Variants in ASIC2 observed in about 807,000 individuals in gnomAD.
ASIC2 encodes the protein acid sensing ion channel subunit 2.
A neutral mutation model predicts 57.3 loss-of-function variants in ASIC2; 25 were observed. That is an observed-to-expected ratio of 0.44 (90% confidence interval 0.32 to 0.61). The LOEUF is 0.61. ASIC2 is among the 20% of genes least tolerant of loss of function. The pLI, the probability that ASIC2 is intolerant of heterozygous loss-of-function variation, is 0.06. For synonymous variants in ASIC2, 319 were observed against 307.5 expected (o/e 1.04, Z -0.39); for missense variants, 641 against 738.1 (o/e 0.87, Z 1.52).
chr17:33,310,511 G>A (rs1250626044), intron 1 of ASIC2, among the ~76,000 whole-genome samples: 2 of 152,152 alleles, frequency 1.3e-5, no homozygotes, highest in African/African-American at 2.4e-5. Flanking sequence ...GTGCATTGAC[G>A]AGGACAAAGG....
intron 1 of ASIC2, among the ~76,000 whole-genome samples, chr17:33,188,260 A>C (rs540975152): frequency 2.5e-4 from 38 of 152,168 alleles, no homozygotes; most frequent in Non-Finnish European, 3.7e-4. Context: ...AGTGATAAAA[A>C]CTATCCAGAA....
intron 1 of ASIC2, among the ~76,000 whole-genome samples, chr17:33,511,835 C>G (rs1035290678): frequency 6.6e-6 from 1 of 152,180 alleles, no homozygotes; most frequent in Admixed American, 6.5e-5. Flanking sequence ...TGTGGGTGCT[C>G]TGTATATAGT....
chr17:33,263,754 G>A, intron 1 of ASIC2, among the ~76,000 whole-genome samples: 1 of 152,178 alleles, frequency 6.6e-6, no homozygotes. Flanking sequence ...TGAAAGGGGG[G>A]CCCACCCGCT....
chr17:33,414,961 C>A (rs148341213), intron 1 of ASIC2, among the ~76,000 whole-genome samples: 1 of 152,230 alleles, frequency 6.6e-6, no homozygotes, highest in Admixed American at 6.5e-5. Context: ...AGTTCAGATA[C>A]CCTCCTCACA....
intron 1 of ASIC2, among the ~76,000 whole-genome samples, chr17:33,909,531 A>G (rs1213664925): frequency 6.6e-6 from 1 of 152,110 alleles, no homozygotes; most frequent in Non-Finnish European, 1.5e-5. Context: ...TGGAGCCCAT[A>G]GGCTGGGGGG....
chr17:33,824,778 C>CT (rs1912855155), intron 1 of ASIC2, among the ~76,000 whole-genome samples: 1 of 50,294 alleles, frequency 2.0e-5, no homozygotes, highest in Non-Finnish European at 4.7e-5. Flanking sequence ...GTCTTGCAAG[C>CT]CCCATGCAAG....
chr17:33,248,019 A>G lies in ASIC2; in HGVS notation c.708+43389T>C, dbSNP rs753754977. Among the ~76,000 whole-genome samples, 128 of 152,346 alleles carry G rather than the reference A, an allele frequency of 8.4e-4. 1 individual carries two copies. The highest frequency in any genetic ancestry group is 3.4e-3 in the Middle Eastern group (1 of 294). ...GCATGTTCGAAGGTGATAGAAGACT[A>G]TGAAATAGCAGAGGTAGATGAGTAG... On this transcript the variant is annotated intron_variant, in intron 1 of 9. Coordinates refer to ENST00000225823, the MANE Select transcript of ASIC2 (RefSeq NM_183377.2).
intron 1 of ASIC2, among the ~76,000 whole-genome samples, chr17:34,017,325 G>A (rs2142026106): frequency 6.6e-6 from 1 of 152,304 alleles, no homozygotes; most frequent in East Asian, 1.9e-4. Context: ...TGGTGTATGT[G>A]TTCTGACTGC....
chr17:33,106,996 T>C (rs1375710755), intron 2 of ASIC2, among the ~76,000 whole-genome samples: 4 of 152,244 alleles, frequency 2.6e-5, no homozygotes, highest in Non-Finnish European at 5.9e-5. Flanking sequence ...CTGCCCCTCC[T>C]GCTGGCTGGT....
intron 1 of ASIC2, chr17:34,001,096 T>C (rs922560485): frequency 1.3e-5 from 2 of 152,240 alleles, no homozygotes. Flanking sequence ...TAGTGTTGGT[T>C]ACTGGTGCTT....
intron 1 of ASIC2, among the ~76,000 whole-genome samples, chr17:34,084,692 T>C (rs1269825549): frequency 2.6e-5 from 4 of 152,192 alleles, no homozygotes; most frequent in African/African-American, 9.7e-5. Flanking sequence ...TGTTCTTCCA[T>C]TTGTTTGTAT....
At chr17:33,447,912 C>CAAAAAAAAAAAA (rs34092157) in intron 1 of ASIC2, among the ~76,000 whole-genome samples, 1 of 73,080 alleles carries the variant, frequency 1.4e-5, no homozygotes. Flanking sequence ...GACTCAGTCT[C>CAAAAAAAAAAAA]AAAAAAAAAA....
intron 1 of ASIC2, among the ~76,000 whole-genome samples, chr17:34,068,214 C>A (rs1404597776): frequency 2.0e-5 from 3 of 152,010 alleles, no homozygotes; most frequent in Non-Finnish European, 2.9e-5. Flanking sequence ...TATGGGCAGG[C>A]ACCATTAATG....
chr17:33,705,855 G>A (rs1224160982), intron 1 of ASIC2, among the ~76,000 whole-genome samples: 1 of 152,128 alleles, frequency 6.6e-6, no homozygotes, highest in Non-Finnish European at 1.5e-5. Flanking sequence ...CGATGTTCAA[G>A]GCCTAAAATG....
chr17:33,409,691 G>C, intron 1 of ASIC2, among the ~76,000 whole-genome samples: 1 of 152,176 alleles, frequency 6.6e-6, no homozygotes, highest in African/African-American at 2.4e-5. Context: ...AGAGTCTTGC[G>C]GAGGAGGAGG....
At chr17:34,099,102 A>G (rs917481674) in intron 1 of ASIC2, among the ~76,000 whole-genome samples, 12 of 81,254 alleles carry the variant, frequency 1.5e-4, no homozygotes, top group African/African-American at 8.6e-4. Flanking sequence ...TAAGAGAGAA[A>G]AGAGAGAGAG....
intron 1 of ASIC2, among the ~76,000 whole-genome samples, chr17:33,335,393 T>C (rs932266297): frequency 6.6e-6 from 1 of 152,176 alleles, no homozygotes; most frequent in Non-Finnish European, 1.5e-5. Flanking sequence ...CCTCATAAAA[T>C]AGTAGGTGGG....
rs145693336 is a variant in ASIC2, at chr17:33,583,206, A to G, written c.556-471139T>C. 1.9e-3 allele frequency among the ~76,000 whole-genome samples: 290 copies of G among 152,336 alleles called. 2 individuals carry two copies. The highest frequency in any genetic ancestry group is 6.7e-3 in the African/African-American group (278 of 41,570). On this transcript the variant is annotated intron_variant, in intron 1 of 9. Transcript: ENST00000359872. ...ATTGGACTCACAAGGCCTCAATGCC[A>G]TAAACCCATAAACCAGAACTGGATA...
At chr17:33,237,235 G>C (rs1908325759) in intron 1 of ASIC2, among the ~76,000 whole-genome samples, 1 of 152,206 alleles carries the variant, frequency 6.6e-6, no homozygotes, top group African/African-American at 2.4e-5. Context: ...GTGAGGCACA[G>C]AATGAGTGCC....
Sources: gnomAD v4.1 joint callset for allele counts (sites outside exome capture counted in the v4.1 genomes callset) on GRCh38, gnomAD v4.1.1 for gene constraint, MANE v1.5 for transcripts, NCBI Gene and HGNC (gene_info 2026-07-23, HGNC 2026-07-21) for gene names.